The following PHF2 variants were observed in gnomAD, a reference collection of about 807,000 sequenced individuals.
The protein encoded by PHF2 is lysine-specific demethylase PHF2.
A neutral mutation model predicts 120.5 loss-of-function variants in PHF2; 27 were observed. The ratio of observed to expected loss-of-function variants is 0.22; its 90% CI spans 0.17 to 0.31. The LOEUF is 0.31. Ranked by LOEUF, PHF2 falls within the 10% of genes least tolerant of loss-of-function variation. The pLI, the probability that PHF2 is intolerant of heterozygous loss-of-function variation, is 1.00. For missense variants in PHF2, 1,024 were observed against 1,434.8 expected (o/e 0.71, Z 4.63); for synonymous variants, 568 against 592.5 (o/e 0.96, Z 0.60).
At chr9:93,633,966 C>T (rs1241459265) in intron 2 of PHF2, among the ~76,000 whole-genome samples, 1 of 152,258 alleles carries the variant, frequency 6.6e-6, no homozygotes, top group East Asian at 1.9e-4. Context: ...ACGGGGCTGC[C>T]TCACGCTCCT....
intron 5 of PHF2, 84 bp from the exon 6 acceptor site, chr9:93,653,095 G>T: frequency 2.3e-6 from 3 of 1,286,538 alleles, no homozygotes; most frequent in Non-Finnish European, 2.2e-6. Flanking sequence ...CGTGGGACAT[G>T]CCTCACAGAA....
At chr9:93,593,299 G>A (rs1051125773) in intron 1 of PHF2, among the ~76,000 whole-genome samples, 4 of 152,110 alleles carry the variant, frequency 2.6e-5, no homozygotes, top group African/African-American at 9.7e-5. Flanking sequence ...CCAGGGTATG[G>A]TGGGGGCTGA....
chr9:93,578,621 G>A (rs1266791456), intron 1 of PHF2, among the ~76,000 whole-genome samples: 2 of 152,214 alleles, frequency 1.3e-5, no homozygotes, highest in African/African-American at 4.8e-5. Context: ...GAGAACGCGA[G>A]AAGACCTTTG....
intron 1 of PHF2, among the ~76,000 whole-genome samples, chr9:93,582,611 C>T (rs1312856728): frequency 6.6e-6 from 1 of 152,150 alleles, no homozygotes; most frequent in African/African-American, 2.4e-5. Context: ...CTTTAGGGTA[C>T]AGGACCTGTT....
chr9:93,612,082 A>T (rs1290267949), intron 1 of PHF2, among the ~76,000 whole-genome samples: 2 of 152,220 alleles, frequency 1.3e-5, no homozygotes, highest in Non-Finnish European at 2.9e-5. Flanking sequence ...CTCTTCTGCA[A>T]CTTGTGCTCT....
intron 1 of PHF2, among the ~76,000 whole-genome samples, chr9:93,617,679 G>A (rs1164758747): frequency 1.3e-5 from 2 of 152,170 alleles, no homozygotes; most frequent in South Asian, 2.1e-4. Context: ...TAACTCACAC[G>A]ATCACAAGGT....
At chr9:93,614,424 T>C (rs1436365732) in intron 1 of PHF2, among the ~76,000 whole-genome samples, 1 of 152,136 alleles carries the variant, frequency 6.6e-6, no homozygotes, top group Non-Finnish European at 1.5e-5. Context: ...TAGCTTCTGT[T>C]CCCTCTGGCT....
At chr9:93,645,306 G>A (rs368837907) in intron 3 of PHF2, among the ~76,000 whole-genome samples, 7 of 152,184 alleles carry the variant, frequency 4.6e-5, no homozygotes, top group African/African-American at 1.7e-4. Flanking sequence ...GTTGGGGAGC[G>A]ACCTTGCTCA....
At chr9:93,672,568 G>A in intron 17 of PHF2, 1 of 984,442 alleles carries the variant, frequency 1.0e-6, no homozygotes, top group Non-Finnish European at 1.2e-6. Context: ...ATGCAGGTAT[G>A]GGTGTAGGTG....
At chr9:93,641,176 G>A (rs1358985617) in intron 3 of PHF2, among the ~76,000 whole-genome samples, 1 of 152,156 alleles carries the variant, frequency 6.6e-6, no homozygotes, top group Non-Finnish European at 1.5e-5. Context: ...GGTTAGTGGG[G>A]GCTGGAGGTC....
At chr9:93,654,635 C>A in intron 7 of PHF2, 60 bp downstream of exon 7, 1 of 1,515,348 alleles carries the variant, frequency 6.6e-7, no homozygotes, top group Non-Finnish European at 9.1e-7. Flanking sequence ...ATCAAGCTTA[C>A]TGCCCTGTCC....
At chr9:93,663,094 TG>T in intron 13 of PHF2, 68 bp downstream of exon 13, 2 of 1,589,518 alleles carry the variant, frequency 1.3e-6, no homozygotes. Flanking sequence ...GAGGTGAATC[TG>T]TGAGGCCCTG....
intron 1 of PHF2, among the ~76,000 whole-genome samples, chr9:93,599,959 C>T (rs1414364681): frequency 6.6e-6 from 1 of 152,190 alleles, no homozygotes; most frequent in Admixed American, 6.5e-5. Flanking sequence ...AGGACGTCCA[C>T]GGCCCTCATG....
At chr9:93,667,474 C>T (rs1389016975) in intron 17 of PHF2, among the ~76,000 whole-genome samples, 2 of 152,240 alleles carry the variant, frequency 1.3e-5, no homozygotes, top group African/African-American at 2.4e-5. Context: ...AAATTCAGAA[C>T]CACAGGTTTT....
At chr9:93,601,101 G>A (rs748615871) in intron 1 of PHF2, among the ~76,000 whole-genome samples, 7 of 152,166 alleles carry the variant, frequency 4.6e-5, no homozygotes, top group South Asian at 2.1e-4. Context: ...ACTTTGTCCC[G>A]TGAGTACTTA....
chr9:93,642,141 T>C (rs898357975), intron 3 of PHF2, among the ~76,000 whole-genome samples: 4 of 152,254 alleles, frequency 2.6e-5, no homozygotes, highest in African/African-American at 9.6e-5. Context: ...TTCCTCTGTA[T>C]ATCTTTTCTT....
intron 1 of PHF2, among the ~76,000 whole-genome samples, chr9:93,587,851 A>C (rs10992791): frequency 7.9e-5 from 12 of 151,886 alleles, no homozygotes; most frequent in Non-Finnish European, 1.8e-4. Context: ...GGAGCTGCCC[A>C]TTGGCCTCAC....
At chr9:93,581,415 G>T (rs1042482718) in intron 1 of PHF2, among the ~76,000 whole-genome samples, 1 of 152,192 alleles carries the variant, frequency 6.6e-6, no homozygotes, top group African/African-American at 2.4e-5. Context: ...GGGGAGTACT[G>T]GGGGAAGGGG....
At position 93,676,707 on chromosome 9, in the gene PHF2, G is replaced by A. The variant is rs10821199; in HGVS notation, c.2946G>A (p.Thr982=). 42 of 629,454 alleles carry A rather than the reference G, an allele frequency of 6.7e-5. No homozygotes were observed. Among genetic ancestry groups the A allele is most frequent in the East Asian group, 1.0e-4 (3 of 29,528 alleles). The allele number at this position is 629,454 out of a possible 1,614,324, so 39.0% of individuals were successfully genotyped here. A position where few individuals can be genotyped will look rare whatever the true frequency, so the allele number is the denominator to read the frequency against. Residue 982 remains threonine (T), a synonymous_variant, in exon 21 of 22, where the codon ACG becomes ACA. Coordinates refer to ENST00000359246, the MANE Select transcript of PHF2 (RefSeq NM_005392.4). ...CCGGCACCACCTCCACCTCCACCAC[G>A]CCAGCCTCTACCACCCCGGCCTCCA... ...ISAGTTSTST[T]PASTTPASTT... is the part of the protein sequence containing the mutation.
Sources: allele counts gnomAD v4.1 joint callset (sites outside exome capture counted in the v4.1 genomes callset), GRCh38; gene constraint gnomAD v4.1.1; transcripts MANE v1.5; gene names NCBI Gene and HGNC (gene_info 2026-07-23, HGNC 2026-07-21).